Variants in BCAS1 observed in about 807,000 individuals in gnomAD.
BCAS1 encodes the protein breast carcinoma-amplified sequence 1.
Under a neutral mutation model 65.4 loss-of-function variants are expected in BCAS1, and 46 were observed. The ratio of observed to expected loss-of-function variants is 0.70; its 90% confidence interval spans 0.55 to 0.90. BCAS1 has a LOEUF of 0.90. BCAS1 is among the 40% of genes least tolerant of loss of function. BCAS1 has a pLI of 0.00. For synonymous variants in BCAS1, 298 were observed against 293.5 expected (o/e 1.02, Z -0.16); for missense variants, 793 against 771.2 (o/e 1.03, Z -0.33).
At chr20:53,957,570 T>A (rs1295078444) in intron 10 of BCAS1, 73 bp from the exon 11 acceptor site, 4 of 1,379,394 alleles carry the variant, frequency 2.9e-6, no homozygotes, top group Non-Finnish European at 4.1e-6. Flanking sequence ...AGTTCTGAAA[T>A]GGATGATCTC....
intron 1 of BCAS1, among the ~76,000 whole-genome samples, chr20:54,060,024 A>G (rs555112853): frequency 4.9e-4 from 75 of 152,306 alleles, no homozygotes; most frequent in African/African-American, 1.7e-3. Flanking sequence ...GAGAGTTAAC[A>G]TAGGAACAAT....
intron 12 of BCAS1, among the ~76,000 whole-genome samples, chr20:53,945,795 C>T (rs2089294634): frequency 2.6e-5 from 4 of 152,026 alleles, no homozygotes; most frequent in Admixed American, 2.6e-4. Flanking sequence ...TTTTTTGAGA[C>T]AAAGTCTTAC....
At chr20:53,973,747 G>A (rs2090246546) in intron 9 of BCAS1, among the ~76,000 whole-genome samples, 1 of 152,088 alleles carries the variant, frequency 6.6e-6, no homozygotes, top group African/African-American at 2.4e-5. Context: ...AGAACTTTCT[G>A]GAATGATGAG....
Position 54,028,865 on chromosome 20 carries a change from C to T in BCAS1, c.250G>A (p.Ala84Thr). ...TTAGCAGCTGGTGCCTCGGGTTTGG[C>T]CTCTTTCCCAAGATTCTTTCCGTTG... ...DANGKNLGKE[A>T]KPEAPAAKSR... The change falls in exon 4 of 13, where the codon GCC (alanine) becomes ACC (threonine). Residue 84 changes from alanine (A) to threonine (T), a missense_variant. By Grantham distance (58) the Ala-to-Thr change is moderately conservative. Coordinates refer to ENST00000688948, the MANE Select transcript of BCAS1 (RefSeq NM_001366298.2). 3 of 1,613,950 alleles carry T rather than the reference C, an allele frequency of 1.9e-6. No individual in the cohort carries two copies. Among genetic ancestry groups the T allele is most frequent in the Non-Finnish European group, 2.5e-6 (3 of 1,180,012 alleles).
intron 4 of BCAS1, among the ~76,000 whole-genome samples, chr20:54,004,766 A>T (rs1732196650): frequency 6.6e-6 from 1 of 152,198 alleles, no homozygotes; most frequent in Non-Finnish European, 1.5e-5. Flanking sequence ...TGTCTCCCCA[A>T]ATCCTAACCC....
intron 3 of BCAS1, among the ~76,000 whole-genome samples, chr20:54,042,550 A>T (rs2299702): frequency 0.18 from 27,882 of 152,130 alleles, 2,633 homozygotes; most frequent in East Asian, 0.32. Context: ...CGGGAGGTTG[A>T]GGAGACAACT....
chr20:54,048,084 C>T lies in BCAS1; in HGVS notation c.142+10001G>A, dbSNP rs569543203. 1.5e-3 allele frequency among the ~76,000 whole-genome samples: 222 copies of T among 152,208 alleles called. 1 individual carries two copies. Among genetic ancestry groups the T allele is most frequent in the African/African-American group, 5.1e-3 (213 of 41,522 alleles). ...CCCGCCTCCAGACCCTATTCCCCTA[C>T]CTCATGAGGATGGGGTGTCTCACAG... On this transcript the variant is annotated intron_variant, in intron 3 of 12. Transcript: ENST00000688948.
chr20:53,944,832 T>A lies in BCAS1; in HGVS notation c.*90A>T. On this transcript the variant is annotated 3_prime_UTR_variant, in exon 13 of 13. Coordinates refer to ENST00000688948, the MANE Select transcript of BCAS1 (RefSeq NM_001366298.2). ...TTTCATTTGCTGGCCATCAGAAGAA[T>A]ATATACATGGAGCGTGTTTGGGGAG... 8.3e-7 allele frequency: 1 copy of A among 1,202,734 alleles called. No homozygotes were observed. Among genetic ancestry groups the A allele is most frequent in the African/African-American group, 1.5e-5 (1 of 66,922 alleles). 74.5% of individuals were successfully genotyped at this position (1,202,734 alleles called of 1,614,324 possible).
intron 3 of BCAS1, among the ~76,000 whole-genome samples, chr20:54,049,310 A>G (rs938794890): frequency 1.3e-5 from 2 of 152,212 alleles, no homozygotes; most frequent in African/African-American, 2.4e-5. Context: ...TCCAGGTCAA[A>G]CATTCCTTCT....
chr20:53,960,924 A>G (rs1368435670), intron 10 of BCAS1, among the ~76,000 whole-genome samples: 1 of 152,214 alleles, frequency 6.6e-6, no homozygotes, highest in African/African-American at 2.4e-5. Context: ...GAACAGTTTA[A>G]AGACTATGAA....
chr20:53,996,342 C>T (rs549885546), intron 4 of BCAS1, among the ~76,000 whole-genome samples: 1 of 151,752 alleles, frequency 6.6e-6, no homozygotes, highest in African/African-American at 2.4e-5. Flanking sequence ...TCCAATTCTG[C>T]AAAGAAGTTG....
Position 53,967,050 on chromosome 20 carries a change from C to T in BCAS1, c.1341G>A (p.Glu447=). The change falls in exon 10 of 13, where the codon GAG becomes GAA. Residue 447 remains glutamate, a synonymous_variant. Transcript: ENST00000688948. The stretch of plus-strand genomic sequence containing the variant: ...ATTCTACTTCCTTGGACTTTATAAT[C>T]TCTACTGGTGACTCACACACCACCT... ...EENVVCESPV[E]IIKSKEVESA... 6.2e-7 allele frequency: 1 copy of T among 1,610,714 alleles called. No homozygotes were observed. The highest frequency in any genetic ancestry group is 8.5e-7 in the Non-Finnish European group (1 of 1,178,688).
At chr20:54,059,795 C>T (rs745878191) in intron 1 of BCAS1, among the ~76,000 whole-genome samples, 2 of 152,118 alleles carry the variant, frequency 1.3e-5, no homozygotes, top group African/African-American at 2.4e-5. Flanking sequence ...CTAAACATAT[C>T]GAAACAGAAA....
At chr20:54,064,252 C>T (rs2092409709) in intron 1 of BCAS1, among the ~76,000 whole-genome samples, 1 of 152,204 alleles carries the variant, frequency 6.6e-6, no homozygotes, top group African/African-American at 2.4e-5. Flanking sequence ...TTCAAGATCT[C>T]TAGGTGATTT....
chr20:54,058,675 T>C lies in BCAS1; in HGVS notation c.44A>G (p.Glu15Gly), dbSNP rs1377568712. 2.5e-6 allele frequency: 4 copies of C among 1,609,626 alleles called. No individual in the cohort carries two copies. The South Asian group carries it at 3.3e-5, about 13-fold the overall frequency. ...GTAAGTCTCTGCTTCTGGTTCATTC[T>C]CTTGGTCTTCAACTCTTTGGGGAAC... The part of the protein sequence containing the change: ...MSVPQRVEDQ[E>G]NEPEAETYQD... The change falls in exon 2 of 13, where the codon GAG becomes GGG. Residue 15 changes from glutamate (E) to glycine (G), a missense_variant. Coordinates refer to ENST00000688948, the MANE Select transcript of BCAS1 (RefSeq NM_001366298.2).
chr20:54,033,479 C>A (rs2091842951), intron 3 of BCAS1, among the ~76,000 whole-genome samples: 1 of 150,764 alleles, frequency 6.6e-6, no homozygotes, highest in South Asian at 2.1e-4. Flanking sequence ...TACCACTGAC[C>A]CCACAGAAGT....
At chr20:54,043,761 C>T (rs530014360) in intron 3 of BCAS1, among the ~76,000 whole-genome samples, 1 of 152,312 alleles carries the variant, frequency 6.6e-6, no homozygotes, top group Admixed American at 6.5e-5. Flanking sequence ...GCTACAGAAA[C>T]TGCACATCTA....
chr20:54,066,483 C>T (rs1342342649), intron 1 of BCAS1, among the ~76,000 whole-genome samples: 2 of 152,186 alleles, frequency 1.3e-5, no homozygotes, highest in Non-Finnish European at 2.9e-5. Context: ...TTCCAAAATT[C>T]GTGTTGGATT....
At chr20:54,062,215 A>G (rs2092384448) in intron 1 of BCAS1, among the ~76,000 whole-genome samples, 1 of 152,220 alleles carries the variant, frequency 6.6e-6, no homozygotes, top group Non-Finnish European at 1.5e-5. Flanking sequence ...TACTGTGTAT[A>G]AAAACAATGA....
Sources: allele counts gnomAD v4.1 joint callset (sites outside exome capture counted in the v4.1 genomes callset), GRCh38; gene constraint gnomAD v4.1.1; transcripts MANE v1.5; gene names NCBI Gene and HGNC (gene_info 2026-07-23, HGNC 2026-07-21).